Variants in CALN1 observed in about 807,000 individuals in gnomAD.
CALN1 encodes the protein calcium-binding protein 8.
CALN1 carries 17 observed loss-of-function variants against 30.6 expected under a neutral mutation model. The observed-to-expected ratio is 0.56, with a 90% CI of 0.38 to 0.83. CALN1 has a LOEUF of 0.83. CALN1 is among the 40% of genes least tolerant of loss of function. The probability of loss-of-function intolerance (pLI) is 0.00; values close to 1 mark genes in which losing one functional copy is unlikely to be tolerated. For synonymous variants in CALN1, 156 were observed against 131.4 expected (o/e 1.19, Z -1.28); for missense variants, 291 against 354.9 (o/e 0.82, Z 1.45).
At chr7:71,916,580 A>C (rs1794699268) in intron 5 of CALN1, among the ~76,000 whole-genome samples, 3 of 152,142 alleles carry the variant, frequency 2.0e-5, no homozygotes, top group South Asian at 4.1e-4. Context: ...CAGAAAACCA[A>C]ATACCACATG....
At chr7:72,020,424 A>G (rs1348374362) in intron 5 of CALN1, among the ~76,000 whole-genome samples, 2 of 152,220 alleles carry the variant, frequency 1.3e-5, no homozygotes, top group East Asian at 3.9e-4. Context: ...ACTCTTTTCC[A>G]GAAACAAGCC....
chr7:71,899,022 T>C (rs142385027), intron 5 of CALN1, among the ~76,000 whole-genome samples: 65 of 152,198 alleles, frequency 4.3e-4, no homozygotes, highest in African/African-American at 1.5e-3. Flanking sequence ...GTGAATAAAA[T>C]TCAGCAAAAC....
chr7:72,081,566 G>T (rs957349254), intron 4 of CALN1, among the ~76,000 whole-genome samples: 1 of 152,016 alleles, frequency 6.6e-6, no homozygotes, highest in Non-Finnish European at 1.5e-5. Flanking sequence ...GGGACTACAG[G>T]TGTGCACCAC....
chr7:72,024,981 C>T (rs931664409), intron 4 of CALN1, among the ~76,000 whole-genome samples: 1 of 152,106 alleles, frequency 6.6e-6, no homozygotes, highest in Non-Finnish European at 1.5e-5. Context: ...TCTCTCTCTC[C>T]TACTAACTCC....
intron 2 of CALN1, among the ~76,000 whole-genome samples, chr7:72,327,197 G>C (rs1406044801): frequency 6.6e-6 from 1 of 152,194 alleles, no homozygotes; most frequent in Non-Finnish European, 1.5e-5. Context: ...ATGGTTCTGA[G>C]TAACACTTGA....
intron 4 of CALN1, among the ~76,000 whole-genome samples, chr7:72,096,042 AAGATAGAT>A (rs10664390): frequency 0.014 from 2,076 of 143,180 alleles, 20 homozygotes; most frequent in Middle Eastern, 0.024. Context: ...TTGTCTCTAA[AAGATAGAT>A]AGATAGATAG....
chr7:71,902,772 T>C (rs1363643070), intron 5 of CALN1, among the ~76,000 whole-genome samples: 2 of 152,288 alleles, frequency 1.3e-5, no homozygotes, highest in Non-Finnish European at 2.9e-5. Context: ...GAAAATGTGC[T>C]GTATATATAT....
At chr7:71,835,663 A>G (rs565375537) in intron 5 of CALN1, among the ~76,000 whole-genome samples, 6 of 152,360 alleles carry the variant, frequency 3.9e-5, no homozygotes, top group Non-Finnish European at 8.8e-5. Flanking sequence ...AACAGAGGCC[A>G]TAAAGCACAT....
chr7:72,181,084 C>A (rs1235433215), intron 3 of CALN1, among the ~76,000 whole-genome samples: 6 of 113,622 alleles, frequency 5.3e-5, no homozygotes, highest in African/African-American at 1.7e-4. Context: ...GGCAACAGAG[C>A]GAAACTGCAT....
At chr7:72,255,627 G>C (rs982200499) in intron 3 of CALN1, among the ~76,000 whole-genome samples, 1 of 151,178 alleles carries the variant, frequency 6.6e-6, no homozygotes, top group Non-Finnish European at 1.5e-5. Flanking sequence ...CATAGGCCAG[G>C]CTGGTCTTGA....
intron 4 of CALN1, among the ~76,000 whole-genome samples, chr7:72,101,015 G>A (rs756993022): frequency 5.9e-5 from 9 of 151,816 alleles, no homozygotes; most frequent in Non-Finnish European, 1.3e-4. Flanking sequence ...CCAGGCTGGA[G>A]TGCAGTGGCG....
chr7:72,258,907 A>T (rs571234554), intron 3 of CALN1, among the ~76,000 whole-genome samples: 1 of 148,762 alleles, frequency 6.7e-6, no homozygotes, highest in African/African-American at 2.5e-5. Context: ...TAAAAAAAAA[A>T]AAAGAAAGAA....
intron 4 of CALN1, among the ~76,000 whole-genome samples, chr7:72,035,160 A>G (rs1438748989): frequency 2.8e-4 from 43 of 152,130 alleles, no homozygotes. Context: ...TTAGGTGTGC[A>G]GGTCTAGTAT....
chr7:72,287,991 T>G (rs558242084), intron 2 of CALN1, among the ~76,000 whole-genome samples: 2 of 152,046 alleles, frequency 1.3e-5, no homozygotes, highest in African/African-American at 4.8e-5. Context: ...TAGTTATTTA[T>G]TGGTATATAA....
intron 5 of CALN1, among the ~76,000 whole-genome samples, chr7:71,921,093 C>A (rs550120218): frequency 2.6e-5 from 4 of 152,222 alleles, no homozygotes; most frequent in African/African-American, 9.6e-5. Flanking sequence ...TTCTAGCAAA[C>A]CAACACAAGA....
chr7:71,891,173 A>G (rs147383187), intron 5 of CALN1, among the ~76,000 whole-genome samples: 47 of 152,348 alleles, frequency 3.1e-4, no homozygotes, highest in African/African-American at 1.1e-3. Flanking sequence ...TAACATAGGA[A>G]CATTCTTGTG....
At chr7:71,981,700 TCA>T (rs1798404082) in intron 5 of CALN1, among the ~76,000 whole-genome samples, 1 of 150,290 alleles carries the variant, frequency 6.7e-6, no homozygotes, top group Admixed American at 6.6e-5. Context: ...AGGACAGGGT[TCA>T]GTTTGGGGAG....
At chr7:72,444,179 C>T (rs961714469) in intron 1 of CALN1, among the ~76,000 whole-genome samples, 3 of 151,760 alleles carry the variant, frequency 2.0e-5, no homozygotes, top group Non-Finnish European at 4.4e-5. Context: ...GCGGTTATCC[C>T]GTTTCAGAGC....
chr7:71,975,641 G>A (rs1798065519), intron 5 of CALN1, among the ~76,000 whole-genome samples: 1 of 151,790 alleles, frequency 6.6e-6, no homozygotes, highest in Non-Finnish European at 1.5e-5. Flanking sequence ...TTGTGACCCA[G>A]GCTGGTCTTG....
Sources: gnomAD v4.1 joint callset for allele counts (sites outside exome capture counted in the v4.1 genomes callset) on GRCh38, gnomAD v4.1.1 for gene constraint, MANE v1.5 for transcripts, NCBI Gene and HGNC (gene_info 2026-07-23, HGNC 2026-07-21) for gene names.